The following ARNT2 variants were observed in gnomAD, a reference collection of about 807,000 sequenced individuals.
The protein encoded by ARNT2 is ARNT protein 2.
A neutral mutation model predicts 91.7 loss-of-function variants in ARNT2; 36 were observed. The ratio of observed to expected loss-of-function variants is 0.39; its 90% CI spans 0.30 to 0.52. The LOEUF is 0.52. ARNT2 is among the 20% of genes least tolerant of loss of function. The pLI, the probability that ARNT2 is intolerant of heterozygous loss-of-function variation, is 0.72. For missense variants in ARNT2, 775 were observed against 939.3 expected (o/e 0.83, Z 2.29); for synonymous variants, 365 against 347.1 (o/e 1.05, Z -0.57).
chr15:80,538,010 G>A (rs1483659489), intron 8 of ARNT2, among the ~76,000 whole-genome samples: 6 of 152,186 alleles, frequency 3.9e-5, no homozygotes, highest in African/African-American at 9.7e-5. Context: ...GCCATGTGAA[G>A]ATGAAGGAAT....
chr15:80,415,180 C>A (rs1342177827), intron 1 of ARNT2, among the ~76,000 whole-genome samples: 1 of 152,228 alleles, frequency 6.6e-6, no homozygotes, highest in Non-Finnish European at 1.5e-5. Flanking sequence ...CTGTGGTGTC[C>A]CACAGATTCT....
At chr15:80,512,730 A>G (rs955837682) in intron 6 of ARNT2, among the ~76,000 whole-genome samples, 7 of 152,342 alleles carry the variant, frequency 4.6e-5, no homozygotes, top group African/African-American at 1.4e-4. Flanking sequence ...GTGCCATAGT[A>G]TATCATTTCC....
chr15:80,545,426 T>C (rs531799842), intron 8 of ARNT2, among the ~76,000 whole-genome samples: 1 of 152,228 alleles, frequency 6.6e-6, no homozygotes, highest in South Asian at 2.1e-4. Flanking sequence ...ACATGGTAAA[T>C]GTCATGAAAA....
In ARNT2 at chr15:80,509,617, G is replaced by A. The variant is rs1442505963; in HGVS notation, c.725+1359G>A. 3.3e-5 allele frequency among the ~76,000 whole-genome samples: 5 copies of A among 152,174 alleles called. No homozygotes were observed. In the East Asian group the frequency reaches 9.6e-4, roughly 29 times the overall value. The stretch of plus-strand genomic sequence containing the variant: ...GGAAACATAAAGCAAACTTAAGTGG[G>A]AGTAGGAAATAGCAGATTTCGTTAA... On this transcript the variant is annotated intron_variant, in intron 6 of 18. Coordinates refer to ENST00000303329, the MANE Select transcript of ARNT2 (RefSeq NM_014862.4).
At chr15:80,529,246 A>G (rs2141440059) in intron 8 of ARNT2, among the ~76,000 whole-genome samples, 1 of 152,054 alleles carries the variant, frequency 6.6e-6, no homozygotes, top group Non-Finnish European at 1.5e-5. Flanking sequence ...GCTGATTTAC[A>G]TTTCTCCCTA....
At chr15:80,581,022 G>C in intron 16 of ARNT2, 1 of 599,500 alleles carries the variant, frequency 1.7e-6, no homozygotes, top group Non-Finnish European at 2.9e-6. Context: ...TAGCCCTGGG[G>C]AGTAACTTCA....
chr15:80,422,088 C>T (rs933485311), intron 1 of ARNT2, among the ~76,000 whole-genome samples: 2 of 152,062 alleles, frequency 1.3e-5, no homozygotes, highest in African/African-American at 4.8e-5. Flanking sequence ...GGTGAGACCT[C>T]CTCCTTCTTA....
intron 11 of ARNT2, among the ~76,000 whole-genome samples, chr15:80,558,521 G>T (rs1898246777): frequency 6.6e-6 from 1 of 151,878 alleles, no homozygotes; most frequent in Non-Finnish European, 1.5e-5. Context: ...TGTATTTTTA[G>T]TGGAGATGGG....
chr15:80,450,805 C>A, intron 1 of ARNT2, 75 bp from the exon 2 acceptor site: 1 of 1,433,866 alleles, frequency 7.0e-7, no homozygotes, highest in Non-Finnish European at 9.8e-7. Context: ...GCTTCTGGTA[C>A]CGTATCACAA....
intron 1 of ARNT2, among the ~76,000 whole-genome samples, chr15:80,415,548 G>T (rs763273836): frequency 1.3e-5 from 2 of 152,176 alleles, no homozygotes; most frequent in Non-Finnish European, 1.5e-5. Flanking sequence ...CTCTGGCTGC[G>T]GAATGAAGGA....
rs1444846140 is a variant in ARNT2, at chr15:80,591,714, G to T, written c.2055+10G>T. Reference sequence around the variant, plus strand: ...GACTGAAGTGTTCCAGGTAAATCGAGCGAGCACCGCCTTCTCGTAGGTACC... The same window carrying T: ...GACTGAAGTGTTCCAGGTAAATCGATCGAGCACCGCCTTCTCGTAGGTACC... On this transcript the variant is annotated intron_variant, in intron 18 of 18. Transcript: ENST00000303329. The surrounding 1 kb of genome is among the most constrained non-coding windows in gnomAD (Gnocchi z 5.1). 1.1e-5 allele frequency: 18 copies of T among 1,613,798 alleles called. No homozygotes were observed. The highest frequency in any genetic ancestry group is 1.5e-5 in the Non-Finnish European group (18 of 1,179,752).
At chr15:80,579,429 G>A (rs1003997676) in intron 15 of ARNT2, among the ~76,000 whole-genome samples, 1 of 152,134 alleles carries the variant, frequency 6.6e-6, no homozygotes, top group African/African-American at 2.4e-5. Flanking sequence ...TTTTAAAAGG[G>A]ATCAGATAGC....
intron 8 of ARNT2, among the ~76,000 whole-genome samples, chr15:80,541,411 G>A (rs561810458): frequency 1.6e-4 from 24 of 152,208 alleles, no homozygotes; most frequent in African/African-American, 5.3e-4. Flanking sequence ...TGCATGGTTT[G>A]CAAATATTTT....
chr15:80,554,825 C>T (rs1433289386), intron 10 of ARNT2: 1 of 440,758 alleles, frequency 2.3e-6, no homozygotes. Flanking sequence ...TGATGTAGTG[C>T]CTTAGCAAAA....
At position 80,506,455 on chromosome 15, in the gene ARNT2, C is replaced by T. The variant is rs574932782; in HGVS notation, c.623-1701C>T. Among the ~76,000 whole-genome samples the T allele has an allele frequency of 6.6e-5, 10 of 152,246 alleles. No homozygotes were observed. In the South Asian group the frequency reaches 1.2e-3, roughly 19 times the overall value. ...GGAAACATCAGAGGTTGGGGGATTC[C>T]GGTTAGACTCAATCATCAGAATCCT... On this transcript the variant is annotated intron_variant, in intron 5 of 18. Coordinates refer to ENST00000303329, the MANE Select transcript of ARNT2 (RefSeq NM_014862.4).
At chr15:80,561,132 C>T (rs925203035) in intron 11 of ARNT2, among the ~76,000 whole-genome samples, 20 of 152,202 alleles carry the variant, frequency 1.3e-4, no homozygotes, top group Non-Finnish European at 1.5e-5. Context: ...ATGCTGCATG[C>T]AGTCTGGCCA....
chr15:80,443,633 G>A (rs1296404731), intron 1 of ARNT2, among the ~76,000 whole-genome samples: 1 of 152,188 alleles, frequency 6.6e-6, no homozygotes. Flanking sequence ...GATGCCCTGA[G>A]GTCTGGAAGA....
chr15:80,510,955 G>A (rs958593293), intron 6 of ARNT2, among the ~76,000 whole-genome samples: 1 of 152,198 alleles, frequency 6.6e-6, no homozygotes, highest in African/African-American at 2.4e-5. Flanking sequence ...AGCCATTGTG[G>A]AAGACAGTGT....
rs1034197757 is a variant in ARNT2 at position 80,594,736 on chromosome 15, C to G, written c.*1038C>G. On this transcript the variant is annotated 3_prime_UTR_variant, in exon 19 of 19. Coordinates refer to ENST00000303329, the MANE Select transcript of ARNT2 (RefSeq NM_014862.4). ...CCTGCCCAGAGCCTGCAGGACAGCA[C>G]GCCTTGAGGTCAGAGGCCTGGCCCT... 1 of 152,426 alleles carries G rather than the reference C, an allele frequency of 6.6e-6. No homozygotes were observed. Among genetic ancestry groups the G allele is most frequent in the Non-Finnish European group, 1.5e-5 (1 of 68,204 alleles). 9.4% of individuals were successfully genotyped at this position (152,426 alleles called of 1,614,324 possible).
Sources: gnomAD v4.1 joint callset for allele counts (sites outside exome capture counted in the v4.1 genomes callset) on GRCh38, gnomAD v4.1.1 for gene constraint, Gnocchi (gnomAD v3.1) non-coding constraint, MANE v1.5 for transcripts, NCBI Gene and HGNC (gene_info 2026-07-23, HGNC 2026-07-21) for gene names.